The following SLC30A7 variants were observed in gnomAD, a reference collection of about 807,000 sequenced individuals.
SLC30A7 encodes the protein zinc transporter 7.
SLC30A7 carries 35 observed loss-of-function variants against 46.0 expected under a neutral mutation model. That is an observed-to-expected ratio of 0.76 (90% confidence interval 0.58 to 1.01). The LOEUF (loss-of-function observed/expected upper bound fraction) is 1.01. SLC30A7 is among the 50% of genes least tolerant of loss of function. SLC30A7 has a pLI of 0.00. For synonymous variants in SLC30A7, 147 were observed against 157.8 expected (o/e 0.93, Z 0.51); for missense variants, 464 against 451.1 (o/e 1.03, Z -0.26).
rs1656412670 is a variant in SLC30A7 at position 100,975,485 on chromosome 1, G to A, written c.*628G>A. 6.6e-6 allele frequency: 1 copy of A among 152,542 alleles called. No individual in the cohort carries two copies. The highest frequency in any genetic ancestry group is 1.5e-5 in the Non-Finnish European group (1 of 68,018). The allele number at this position is 152,542 out of a possible 1,614,324, so 9.4% of individuals were successfully genotyped here. ...TTTGTATCCAAAAATGTATTTGCCA[G>A]CATAGAAATGTACCATCAAGAGTCA... is the stretch of plus-strand genomic sequence containing the variant. On this transcript the variant is annotated 3_prime_UTR_variant, in exon 11 of 11. Coordinates refer to ENST00000357650, the MANE Select transcript of SLC30A7 (RefSeq NM_133496.5).
intron 8 of SLC30A7, among the ~76,000 whole-genome samples, chr1:100,923,224 G>A (rs1653067221): frequency 1.9e-5 from 2 of 107,530 alleles, no homozygotes; most frequent in Admixed American, 8.8e-5. Context: ...CACCGTGTTA[G>A]CCAGGATGGT....
chr1:100,899,700 T>A (rs761451806), intron 2 of SLC30A7, among the ~76,000 whole-genome samples: 20 of 152,056 alleles, frequency 1.3e-4, no homozygotes, highest in Non-Finnish European at 2.9e-4. Flanking sequence ...AACAAAAACC[T>A]AAAATAATGG....
intron 8 of SLC30A7, among the ~76,000 whole-genome samples, chr1:100,931,182 C>T (rs922695831): frequency 8.5e-5 from 13 of 152,062 alleles, no homozygotes; most frequent in African/African-American, 2.4e-4. Context: ...AGCAAAAATT[C>T]GGTAGTTTTT....
intron 3 of SLC30A7, among the ~76,000 whole-genome samples, chr1:100,909,236 C>T (rs932706933): frequency 1.3e-5 from 2 of 152,046 alleles, no homozygotes; most frequent in African/African-American, 2.4e-5. Context: ...CATAACCTCC[C>T]ACCCCAATTC....
intron 8 of SLC30A7, among the ~76,000 whole-genome samples, chr1:100,946,870 C>T (rs1654672647): frequency 6.6e-6 from 1 of 152,104 alleles, no homozygotes; most frequent in Admixed American, 6.5e-5. Context: ...GGTACCAGCT[C>T]TTCTTTGTAC....
intron 7 of SLC30A7, among the ~76,000 whole-genome samples, chr1:100,918,606 T>C (rs1303226181): frequency 6.6e-6 from 1 of 152,168 alleles, no homozygotes; most frequent in Admixed American, 6.5e-5. Context: ...AGGTTGAAAA[T>C]GCATTTAATA....
the SLC30A7 span, chr1:100,990,420 G>A: frequency 6.5e-5 from 105 of 1,613,544 alleles, 2 homozygotes; most frequent in South Asian, 1.1e-3. Flanking sequence ...AAAGTCCATT[G>A]ATGCTTTGAG....
At chr1:100,898,477 G>T (rs1182566303) in intron 2 of SLC30A7, among the ~76,000 whole-genome samples, 1 of 152,052 alleles carries the variant, frequency 6.6e-6, no homozygotes, top group African/African-American at 2.4e-5. Context: ...GTTTTTCATT[G>T]TGTTATGTCT....
At chr1:100,988,742 C>G in the SLC30A7 span, among the ~76,000 whole-genome samples, 18 of 152,004 alleles carry the variant, frequency 1.2e-4, no homozygotes, top group East Asian at 3.3e-3. Flanking sequence ...CCCAGCTACT[C>G]GGGAGGCTGA....
chr1:100,923,674 G>A (rs927678111), intron 8 of SLC30A7, among the ~76,000 whole-genome samples: 5 of 152,160 alleles, frequency 3.3e-5, no homozygotes, highest in Admixed American at 2.6e-4. Context: ...AGCTACTTGG[G>A]ATGCTGAGGC....
intron 2 of SLC30A7, among the ~76,000 whole-genome samples, chr1:100,904,641 AGGTATG>A (rs1651531640): frequency 6.6e-6 from 1 of 152,162 alleles, no homozygotes; most frequent in African/African-American, 2.4e-5. Flanking sequence ...GATCGGAAAT[AGGTATG>A]CCTTGTCTGT....
the SLC30A7 span, chr1:100,990,323 G>T: frequency 7.9e-7 from 1 of 1,259,730 alleles, no homozygotes; most frequent in Non-Finnish European, 1.1e-6. Context: ...TAAAATTCAA[G>T]ATGAGACTTG....
At chr1:100,937,257 T>A (rs1483317330) in intron 8 of SLC30A7, among the ~76,000 whole-genome samples, 1 of 152,210 alleles carries the variant, frequency 6.6e-6, no homozygotes, top group Non-Finnish European at 1.5e-5. Flanking sequence ...GTGGGAGGTT[T>A]TGAATTATTT....
rs1236548864 is a variant in SLC30A7 at position 100,960,746 on chromosome 1, T to C, written c.843-1082T>C. On this transcript the variant is annotated intron_variant, in intron 8 of 10. Transcript: ENST00000357650. Reference sequence around the variant, plus strand: ...TTTCTGACCTCCCCTCTCAATCTACTTCAAGCAGTAGAACAGTACATTACC... The same window carrying C: ...TTTCTGACCTCCCCTCTCAATCTACCTCAAGCAGTAGAACAGTACATTACC... Among the ~76,000 whole-genome samples the C allele has an allele frequency of 2.9e-4, 44 of 152,072 alleles. 1 individual carries two copies. The highest frequency in any genetic ancestry group is 2.9e-3 in the Admixed American group (44 of 15,268).
At position 100,980,301 on chromosome 1, in the gene SLC30A7, C is replaced by T. The variant is rs893144405; in HGVS notation, c.*5444C>T. The T allele has an allele frequency of 6.6e-6, 1 of 152,106 alleles. No individual in the cohort carries two copies. Among genetic ancestry groups the T allele is most frequent in the Non-Finnish European group, 1.5e-5 (1 of 67,966 alleles). 9.4% of individuals were successfully genotyped at this position (152,106 alleles called of 1,614,324 possible). A position where few individuals can be genotyped will look rare whatever the true frequency, so the allele number is the denominator to read the frequency against. ...GGATAAGTAGATTTGATTTACATCA[C>T]ATTTTATACACACCTTTCAAAAGGA... is the stretch of plus-strand genomic sequence containing the variant. On this transcript the variant is annotated 3_prime_UTR_variant, in exon 11 of 11. Coordinates refer to ENST00000357650, the MANE Select transcript of SLC30A7 (RefSeq NM_133496.5).
chr1:100,984,228 CT>C (rs577715119), downstream of SLC30A7, among the ~76,000 whole-genome samples: 1 of 152,110 alleles, frequency 6.6e-6, no homozygotes, highest in South Asian at 2.1e-4. Flanking sequence ...AACCCTGTTG[CT>C]TTTTTCTCTC....
At chr1:100,955,945 A>T (rs1004419237) in intron 8 of SLC30A7, among the ~76,000 whole-genome samples, 11 of 152,190 alleles carry the variant, frequency 7.2e-5, no homozygotes, top group African/African-American at 2.6e-4. Context: ...TTAAATTGCT[A>T]TTGGAGAAAG....
In SLC30A7 at chr1:100,979,986, C is replaced by G. The variant is rs1235706688; in HGVS notation, c.*5129C>G. 1 of 152,108 alleles carries G rather than the reference C, an allele frequency of 6.6e-6. No individual in the cohort carries two copies. 9.4% of individuals were successfully genotyped at this position (152,108 alleles called of 1,614,324 possible). On this transcript the variant is annotated 3_prime_UTR_variant, in exon 11 of 11. Transcript: ENST00000357650. The stretch of plus-strand genomic sequence containing the variant: ...GAACAGTCATTATACATTATTTAGA[C>G]TCATTCCTTCTTCCAGTGCCCTTAT...
intron 8 of SLC30A7, among the ~76,000 whole-genome samples, chr1:100,947,045 T>A (rs1435806926): frequency 6.6e-6 from 1 of 152,208 alleles, no homozygotes; most frequent in Non-Finnish European, 1.5e-5. Context: ...ATTTATCCAT[T>A]TCTTCTAGAT....
Sources: gnomAD v4.1 joint callset for allele counts (sites outside exome capture counted in the v4.1 genomes callset) on GRCh38, gnomAD v4.1.1 for gene constraint, MANE v1.5 for transcripts, NCBI Gene and HGNC (gene_info 2026-07-23, HGNC 2026-07-21) for gene names.